BNC2: variants seen among roughly 807,000 people sequenced by gnomAD.
BNC2 encodes the protein basonuclin zinc finger protein 2.
A neutral mutation model predicts 76.3 loss-of-function variants in BNC2; 20 were observed. The observed-to-expected ratio is 0.26, with a 90% CI of 0.18 to 0.38. The LOEUF (loss-of-function observed/expected upper bound fraction) is 0.38. Among genes scored for constraint, BNC2 ranks in the 10% least tolerant of loss-of-function variants. The pLI, the probability that BNC2 is intolerant of heterozygous loss-of-function variation, is 1.00. For missense variants in BNC2, 1,382 were observed against 1,399.8 expected (o/e 0.99, Z 0.20); for synonymous variants, 582 against 514.8 (o/e 1.13, Z -1.77).
chr9:16,753,243 A>C (rs1345952593), intron 1 of BNC2, among the ~76,000 whole-genome samples: 1 of 152,254 alleles, frequency 6.6e-6, no homozygotes, highest in Non-Finnish European at 1.5e-5. Flanking sequence ...TTAAATCCTG[A>C]AATGCATGTC....
Position 16,520,750 on chromosome 9 carries a change from C to A in BNC2, c.669+31780G>T, listed in dbSNP as rs556750287. On this transcript the variant is annotated intron_variant, in intron 5 of 6. Coordinates refer to ENST00000380672, the MANE Select transcript of BNC2 (RefSeq NM_017637.6). The stretch of plus-strand genomic sequence containing the variant: ...CTGTACTTTGTGATTCCAGGTTCCA[C>A]TGTACCTGCATAAGCTATGGGCATA... 2.0e-5 allele frequency among the ~76,000 whole-genome samples: 3 copies of A among 152,336 alleles called. No homozygotes were observed. In the East Asian group the frequency reaches 5.8e-4, roughly 29 times the overall value.
At chr9:16,714,515 T>A (rs192588255) in intron 3 of BNC2, among the ~76,000 whole-genome samples, 2 of 152,368 alleles carry the variant, frequency 1.3e-5, no homozygotes, top group African/African-American at 4.8e-5. Flanking sequence ...GCACCAGCAC[T>A]TGATTTGAAA....
intron 1 of BNC2, among the ~76,000 whole-genome samples, chr9:16,801,731 T>TAA (rs146510714): frequency 8.7e-4 from 48 of 55,352 alleles, no homozygotes; most frequent in South Asian, 2.2e-3. Context: ...CCCCTTAAAT[T>TAA]AAAAAAAAAA....
At chr9:16,648,022 C>T (rs1821684573) in intron 3 of BNC2, among the ~76,000 whole-genome samples, 1 of 152,278 alleles carries the variant, frequency 6.6e-6, no homozygotes, top group Non-Finnish European at 1.5e-5. Flanking sequence ...ATCTCTGAGA[C>T]TGGTCCCTTT....
intron 1 of BNC2, among the ~76,000 whole-genome samples, chr9:16,757,660 C>A (rs1825424063): frequency 1.3e-5 from 2 of 151,054 alleles, no homozygotes; most frequent in African/African-American, 2.4e-5. Context: ...CTGTTTCCAA[C>A]AATTATTGAC....
At chr9:16,762,341 C>G (rs2135391430) in intron 1 of BNC2, among the ~76,000 whole-genome samples, 1 of 152,268 alleles carries the variant, frequency 6.6e-6, no homozygotes, top group Middle Eastern at 3.4e-3. Context: ...CCAAAGACAT[C>G]CAGAGATCTT....
intron 4 of BNC2, among the ~76,000 whole-genome samples, chr9:16,571,265 A>C (rs931149236): frequency 6.6e-6 from 1 of 152,184 alleles, no homozygotes; most frequent in Non-Finnish European, 1.5e-5. Flanking sequence ...AAATATATCC[A>C]AACAACACAG....
Position 16,411,705 on chromosome 9 carries a change from T to A in BNC2, c.*7284A>T, listed in dbSNP as rs2118899391. ...GTTCATGAAATTATTTAGCACAGAT[T>A]TGTCAACATAGACCTGTTACATTGT... On this transcript the variant is annotated 3_prime_UTR_variant, in exon 7 of 7. Coordinates refer to ENST00000380672, the MANE Select transcript of BNC2 (RefSeq NM_017637.6). 1 of 152,768 alleles carries A rather than the reference T, an allele frequency of 6.5e-6. No individual in the cohort carries two copies. Among genetic ancestry groups the A allele is most frequent in the Non-Finnish European group, 1.5e-5 (1 of 68,030 alleles). 9.5% of individuals were successfully genotyped at this position (152,768 alleles called of 1,614,324 possible). A position where few individuals can be genotyped will look rare whatever the true frequency, so the allele number is the denominator to read the frequency against.
At chr9:16,557,720 A>G (rs1218996924) in intron 4 of BNC2, among the ~76,000 whole-genome samples, 1 of 152,042 alleles carries the variant, frequency 6.6e-6, no homozygotes, top group Non-Finnish European at 1.5e-5. Flanking sequence ...CCTTTTCTCT[A>G]TAGTGAGTTG....
At position 16,822,624 on chromosome 9, in the gene BNC2, T is replaced by C. The variant is rs1401643974; in HGVS notation, c.3+48022A>G. 3.3e-5 allele frequency among the ~76,000 whole-genome samples: 5 copies of C among 152,194 alleles called. No individual in the cohort carries two copies. The East Asian group carries it at 9.6e-4, about 29-fold the overall frequency. On this transcript the variant is annotated intron_variant, in intron 1 of 6. Coordinates refer to ENST00000380672, the MANE Select transcript of BNC2 (RefSeq NM_017637.6). ...AAGGCTGATTTCTGGAACTGGAACA[T>C]TTTAAAAACACCAAAGTTGTTGTCA...
chr9:16,599,918 T>C (rs1391344045), intron 3 of BNC2, among the ~76,000 whole-genome samples: 1 of 152,188 alleles, frequency 6.6e-6, no homozygotes, highest in Non-Finnish European at 1.5e-5. Context: ...GACAAGCCAA[T>C]ATATTATCGG....
intron 1 of BNC2, among the ~76,000 whole-genome samples, chr9:16,778,927 T>C (rs1826042619): frequency 6.6e-6 from 1 of 151,966 alleles, no homozygotes; most frequent in African/African-American, 2.4e-5. Flanking sequence ...TAAAACGATA[T>C]TTTTAGAAAT....
At chr9:16,727,043 G>C (rs942705573) in intron 3 of BNC2, 1 of 152,266 alleles carries the variant, frequency 6.6e-6, no homozygotes, top group Non-Finnish European at 1.5e-5. Context: ...CCAGCAAGCC[G>C]AACGCCTCCA....
chr9:16,462,129 C>G (rs1363271934), intron 5 of BNC2, among the ~76,000 whole-genome samples: 1 of 152,150 alleles, frequency 6.6e-6, no homozygotes, highest in East Asian at 1.9e-4. Flanking sequence ...CAGCCACTCT[C>G]TCAGAAATCC....
intron 3 of BNC2, among the ~76,000 whole-genome samples, chr9:16,677,700 C>T (rs1822693956): frequency 6.6e-6 from 1 of 152,042 alleles, no homozygotes; most frequent in African/African-American, 2.4e-5. Context: ...ATGTCTTCCT[C>T]CTGTGTCCGG....
At chr9:16,500,226 C>G (rs1274643875) in intron 5 of BNC2, among the ~76,000 whole-genome samples, 1 of 152,106 alleles carries the variant, frequency 6.6e-6, no homozygotes, top group African/African-American at 2.4e-5. Context: ...ATCCACCAAA[C>G]TCAACTCAAG....
At chr9:16,798,523 A>T (rs1017673901) in intron 1 of BNC2, among the ~76,000 whole-genome samples, 1 of 152,210 alleles carries the variant, frequency 6.6e-6, no homozygotes, top group African/African-American at 2.4e-5. Flanking sequence ...CAAAGTGACA[A>T]AGCAGTCTCT....
chr9:16,686,236 T>TA, intron 3 of BNC2, among the ~76,000 whole-genome samples: 1 of 152,160 alleles, frequency 6.6e-6, no homozygotes, highest in Non-Finnish European at 1.5e-5. Context: ...GTATCTGTCC[T>TA]AATAATAAAA....
chr9:16,557,485 T>G lies in BNC2; in HGVS notation c.434-4720A>C, dbSNP rs1818872027. 1.3e-5 allele frequency among the ~76,000 whole-genome samples: 2 copies of G among 150,554 alleles called. 1 individual carries two copies. The highest frequency in any genetic ancestry group is 4.2e-4 in the South Asian group (2 of 4,714). ...CTGCACTCTAGCCTGGGCGACAGAG[T>G]GAGACTCTGTCACAGGATTTAAAAA... On this transcript the variant is annotated intron_variant, in intron 4 of 6. Transcript: ENST00000380672.
Sources: gnomAD v4.1 joint callset for allele counts (sites outside exome capture counted in the v4.1 genomes callset) on GRCh38, gnomAD v4.1.1 for gene constraint, MANE v1.5 for transcripts, NCBI Gene and HGNC (gene_info 2026-07-23, HGNC 2026-07-21) for gene names.